SLAIN1: variants seen among roughly 807,000 people sequenced by gnomAD.
SLAIN1 encodes SLAIN motif-containing protein 1.
A neutral mutation model predicts 55.4 loss-of-function variants in SLAIN1; 17 were observed. That is an observed-to-expected ratio of 0.31 (90% CI 0.21 to 0.46). The LOEUF (loss-of-function observed/expected upper bound fraction) is 0.46, where lower values mean the gene tolerates loss of function less well. Ranked by LOEUF, SLAIN1 falls within the 20% of genes least tolerant of loss-of-function variation. The pLI, the probability that SLAIN1 is intolerant of heterozygous loss-of-function variation, is 1.00. For synonymous variants in SLAIN1, 348 were observed against 337.4 expected, an observed-to-expected ratio of 1.03 and a Z score of -0.35; for missense variants, 682 against 785.1, an observed-to-expected ratio of 0.87 and a Z score of 1.57.
At chr13:77,727,569 T>G (rs2091319904) in intron 2 of SLAIN1, among the ~76,000 whole-genome samples, 1 of 152,116 alleles carries the variant, frequency 6.6e-6, no homozygotes, top group Non-Finnish European at 1.5e-5. Context: ...GTGTTAGTTC[T>G]GAGCGTGGGG....
At chr13:77,730,977 A>G (rs1308068773) in intron 2 of SLAIN1, among the ~76,000 whole-genome samples, 28 of 152,192 alleles carry the variant, frequency 1.8e-4, no homozygotes, top group Admixed American at 1.8e-3. Context: ...AAGTTGGCCA[A>G]AGGAATCTAC....
rs139056206 is a variant in SLAIN1 at position 77,716,356 on chromosome 13, G to C, written c.627-3176G>C. On this transcript the variant is annotated intron_variant, in intron 1 of 6. Coordinates refer to ENST00000418532, the MANE Select transcript of SLAIN1 (RefSeq NM_001242868.2). ...ATTTTTTTTTTTTAACATTTGTTTGGCTATTCTAAGATCTTTGCATTTCCA... is the reference window on the plus strand; with the variant it reads ...ATTTTTTTTTTTTAACATTTGTTTGCCTATTCTAAGATCTTTGCATTTCCA... Among the ~76,000 whole-genome samples the C allele has an allele frequency of 2.3e-4, 35 of 149,552 alleles. No homozygotes were observed. In the East Asian group the frequency reaches 5.6e-3, roughly 24 times the overall value.
intron 1 of SLAIN1, among the ~76,000 whole-genome samples, chr13:77,710,144 G>A (rs543858840): frequency 1.3e-5 from 2 of 152,240 alleles, no homozygotes; most frequent in African/African-American, 2.4e-5. Flanking sequence ...GTAAAGACCA[G>A]TGATACTATG....
chr13:77,750,105 C>T (rs941815560), intron 4 of SLAIN1, among the ~76,000 whole-genome samples: 2 of 152,080 alleles, frequency 1.3e-5, no homozygotes, highest in Admixed American at 6.5e-5. Context: ...ATAGAATTTT[C>T]TCAGGAGATC....
At chr13:77,726,108 A>C (rs907420735) in intron 2 of SLAIN1, among the ~76,000 whole-genome samples, 39 of 152,206 alleles carry the variant, frequency 2.6e-4, no homozygotes, top group Admixed American at 7.2e-4. Context: ...GACACAGTTA[A>C]GCTTTGTCTT....
At chr13:77,747,021 G>T (rs1022989275) in intron 4 of SLAIN1, among the ~76,000 whole-genome samples, 166 bp downstream of exon 4, 2 of 152,142 alleles carry the variant, frequency 1.3e-5, no homozygotes, top group African/African-American at 4.8e-5. Flanking sequence ...CCACCTCCTA[G>T]GTTCAAACGA....
chr13:77,741,416 G>T (rs930592659), intron 2 of SLAIN1: 1 of 987,434 alleles, frequency 1.0e-6, no homozygotes, highest in African/African-American at 1.7e-5. Context: ...TTCTGGCTCC[G>T]ATTGGGAAAA....
In SLAIN1 at chr13:77,754,506, G is replaced by T. The variant is rs1039421007; in HGVS notation, c.1414+1148G>T. Among the ~76,000 whole-genome samples the T allele has an allele frequency of 2.6e-5, 4 of 152,292 alleles. 1 individual carries two copies. Among genetic ancestry groups the T allele is most frequent in the Non-Finnish European group, 4.4e-5 (3 of 68,014 alleles). On this transcript the variant is annotated intron_variant, in intron 5 of 6. Coordinates refer to ENST00000418532, the MANE Select transcript of SLAIN1 (RefSeq NM_001242868.2). ...AGAGCAGAGAGGCAGACCTAGGTCT[G>T]GTTACTCCCAGAGCTTTTAACTGCT...
chr13:77,721,857 G>A (rs950452653), intron 2 of SLAIN1, among the ~76,000 whole-genome samples: 18 of 150,336 alleles, frequency 1.2e-4, no homozygotes, highest in South Asian at 8.5e-4. Flanking sequence ...TATTACAAAA[G>A]CAGGAGTGGG....
chr13:77,742,983 G>T, intron 2 of SLAIN1: 1 of 1,247,490 alleles, frequency 8.0e-7, no homozygotes, highest in Non-Finnish European at 1.0e-6. Flanking sequence ...CTTCCATATA[G>T]CTAACTGCTG....
At chr13:77,755,100 A>G (rs1407868995) in intron 5 of SLAIN1, among the ~76,000 whole-genome samples, 1 of 152,120 alleles carries the variant, frequency 6.6e-6, no homozygotes, top group Non-Finnish European at 1.5e-5. Context: ...CTATGTCTGA[A>G]TTACAAAAAT....
At chr13:77,756,217 T>C (rs1237590838) in intron 5 of SLAIN1, among the ~76,000 whole-genome samples, 5 of 152,138 alleles carry the variant, frequency 3.3e-5, no homozygotes, top group African/African-American at 4.8e-5. Flanking sequence ...GGAGAGATAG[T>C]AGGACTCTAT....
chr13:77,738,221 T>TACACATATAC (rs1873233262), intron 2 of SLAIN1, among the ~76,000 whole-genome samples: 1 of 150,372 alleles, frequency 6.7e-6, no homozygotes, highest in South Asian at 2.1e-4. Context: ...CATATACACA[T>TACACATATAC]ACATATATAC....
At position 77,757,535 on chromosome 13, in the gene SLAIN1, C is replaced by T. The variant is rs1049229102; in HGVS notation, c.1415-3293C>T. On this transcript the variant is annotated intron_variant, in intron 5 of 6. Transcript: ENST00000418532. The stretch of plus-strand genomic sequence containing the variant: ...TTCTGAGATTTTGGTGCACCTGTTA[C>T]CGAAGCAGTGTACACTGTACCCAAT... Among the ~76,000 whole-genome samples, 31 of 151,660 alleles carry T rather than the reference C, an allele frequency of 2.0e-4. 1 individual carries two copies. Among genetic ancestry groups the T allele is most frequent in the African/African-American group, 7.5e-4 (31 of 41,272 alleles).
chr13:77,725,333 C>T (rs1033177303), intron 2 of SLAIN1, among the ~76,000 whole-genome samples: 1 of 152,192 alleles, frequency 6.6e-6, no homozygotes, highest in Non-Finnish European at 1.5e-5. Context: ...ACATCTCCCT[C>T]TGTATACACA....
chr13:77,754,097 G>A (rs948257357), intron 5 of SLAIN1, among the ~76,000 whole-genome samples: 1 of 152,136 alleles, frequency 6.6e-6, no homozygotes, highest in African/African-American at 2.4e-5. Context: ...GAAGGCACAA[G>A]GTTATATTAC....
chr13:77,725,308 G>A (rs1259516490), intron 2 of SLAIN1, among the ~76,000 whole-genome samples: 1 of 152,126 alleles, frequency 6.6e-6, no homozygotes, highest in Non-Finnish European at 1.5e-5. Flanking sequence ...ATTAATTGAA[G>A]TCCTTAGGAG....
At chr13:77,722,197 T>C (rs1019076928) in intron 2 of SLAIN1, among the ~76,000 whole-genome samples, 1 of 151,694 alleles carries the variant, frequency 6.6e-6, no homozygotes, top group Non-Finnish European at 1.5e-5. Context: ...AGAGAACGAG[T>C]TTTTCAAAAC....
At chr13:77,735,714 T>C (rs1372930056) in intron 2 of SLAIN1, among the ~76,000 whole-genome samples, 1 of 152,172 alleles carries the variant, frequency 6.6e-6, no homozygotes, top group Admixed American at 6.6e-5. Context: ...AATGTCAGCA[T>C]TGAGCTGGTG....
Sources: allele counts gnomAD v4.1 joint callset (sites outside exome capture counted in the v4.1 genomes callset), GRCh38; gene constraint gnomAD v4.1.1; transcripts MANE v1.5; gene names NCBI Gene and HGNC (gene_info 2026-07-23, HGNC 2026-07-21).